Variants in POTEE observed in about 807,000 individuals in gnomAD.
POTEE encodes the protein ANKRD26-like family C member 1A.
Under a neutral mutation model 74.2 loss-of-function variants are expected in POTEE, and 21 were observed. The observed-to-expected ratio is 0.28, with a 90% CI of 0.20 to 0.41. POTEE has a LOEUF of 0.41. POTEE is among the 10% of genes least tolerant of loss of function. POTEE has a pLI of 1.00. For missense variants in POTEE, 525 were observed against 1,158.6 expected (o/e 0.45, Z 7.94); for synonymous variants, 211 against 432.8 (o/e 0.49, Z 6.36).
At chr2:131,228,707 T>A (rs1700855770) in intron 8 of POTEE, among the ~76,000 whole-genome samples, 1 of 147,212 alleles carries the variant, frequency 6.8e-6, no homozygotes, top group Non-Finnish European at 1.5e-5. Context: ...GTTATTTGGG[T>A]CTTGAAATGT....
chr2:131,211,483 C>G (rs1007014814), intron 2 of POTEE, among the ~76,000 whole-genome samples: 4 of 113,886 alleles, frequency 3.5e-5, no homozygotes, highest in Non-Finnish European at 5.2e-5. Flanking sequence ...GCATGAGTGG[C>G]AGCATTGTCT....
rs1384250887 is a variant in POTEE at position 131,263,392 on chromosome 2, A to T, written c.1937A>T (p.His646Leu). 1.2e-6 allele frequency: 2 copies of T among 1,611,866 alleles called. No homozygotes were observed. The highest frequency in any genetic ancestry group is 1.7e-6 in the Non-Finnish European group (2 of 1,179,838). ...TGTAAGAAAGAAAAAGACGTCTTGCATGAAAATAGTACGTTGCGGGAAGAA... is the reference window on the plus strand; with the variant it reads ...TGTAAGAAAGAAAAAGACGTCTTGCTTGAAAATAGTACGTTGCGGGAAGAA... ...LSCKKEKDVL[H>L]ENSTLREEIA... The change falls in exon 18 of 18, where the codon CAT becomes CTT. Residue 646 changes from histidine to leucine, a missense_variant. Transcript: ENST00000683005.
intron 4 of POTEE, among the ~76,000 whole-genome samples, chr2:131,219,469 G>C (rs979950686): frequency 3.9e-5 from 6 of 151,968 alleles, no homozygotes; most frequent in Non-Finnish European, 8.8e-5. Flanking sequence ...GGCTGGGCGC[G>C]GTGGCTCACG....
At chr2:131,230,441 TA>T (rs1700916303) in intron 8 of POTEE, among the ~76,000 whole-genome samples, 1 of 152,170 alleles carries the variant, frequency 6.6e-6, no homozygotes, top group Admixed American at 6.5e-5. Flanking sequence ...TAAACCTTTA[TA>T]ACAACCTAGT....
chr2:131,211,542 CTTTTT>C (rs1163533169), intron 2 of POTEE, among the ~76,000 whole-genome samples: 3 of 11,382 alleles, frequency 2.6e-4, no homozygotes, highest in African/African-American at 5.4e-4. Context: ...GTGTGTGTGG[CTTTTT>C]TTTTTTTTTT....
chr2:131,221,636 T>C (rs1171182838), intron 4 of POTEE, among the ~76,000 whole-genome samples: 1 of 152,244 alleles, frequency 6.6e-6, no homozygotes, highest in African/African-American at 2.4e-5. Context: ...TGTGAACTTT[T>C]ACCCTCTTCA....
At chr2:131,236,198 G>A (rs1430987103) in intron 9 of POTEE, among the ~76,000 whole-genome samples, 1 of 152,108 alleles carries the variant, frequency 6.6e-6, no homozygotes, top group Non-Finnish European at 1.5e-5. Context: ...TGTAAAAACA[G>A]CTCGGAGTGA....
intron 4 of POTEE, among the ~76,000 whole-genome samples, chr2:131,220,036 TTTA>T (rs1470707993): frequency 6.6e-6 from 1 of 150,840 alleles, no homozygotes; most frequent in Non-Finnish European, 1.5e-5. Context: ...GGTGGTGTTT[TTTA>T]TTATTTGAAA....
chr2:131,237,561 G>A (rs1374026642), intron 10 of POTEE, among the ~76,000 whole-genome samples: 2 of 151,772 alleles, frequency 1.3e-5, no homozygotes, highest in East Asian at 3.9e-4. Flanking sequence ...ACTGTAATTA[G>A]TACACATTAG....
rs776109919 is a variant in POTEE, at chr2:131,263,865, C to G, written c.2410C>G (p.Leu804Val). The change falls in exon 18 of 18, where the codon CTG becomes GTG. Residue 804 changes from leucine (L) to valine (V), a missense_variant. By Grantham distance (32) the Leu-to-Val change is conservative (BLOSUM62 1). Transcript: ENST00000683005. ...TGTGGCTCCCGAGGAGCACCCCATCCTGCTGACCGAGGCCCCCCTGAACCC... is the reference window on the plus strand; with the variant it reads ...TGTGGCTCCCGAGGAGCACCCCATCGTGCTGACCGAGGCCCCCCTGAACCC... ...LRVAPEEHPI[L>V]LTEAPLNPKA... is the part of the protein sequence containing the mutation. 1.2e-6 allele frequency: 2 copies of G among 1,614,204 alleles called. No individual in the cohort carries two copies. The highest frequency in any genetic ancestry group is 2.2e-5 in the South Asian group (2 of 91,086).
Position 131,231,361 on chromosome 2 carries a change from A to G in POTEE, c.1126+455A>G, listed in dbSNP as rs1700950338. Among the ~76,000 whole-genome samples, 5 of 151,430 alleles carry G rather than the reference A, an allele frequency of 3.3e-5. No homozygotes were observed. The South Asian group carries it at 1.0e-3, about 32-fold the overall frequency. ...TAAGGAGTGGCTGTAAATACAGATGAAGCTTCCCTGGCTTGCCTGCTGCTC... is the reference window on the plus strand; with the variant it reads ...TAAGGAGTGGCTGTAAATACAGATGGAGCTTCCCTGGCTTGCCTGCTGCTC... On this transcript the variant is annotated intron_variant, in intron 9 of 17. Coordinates refer to ENST00000683005, the MANE Select transcript of POTEE (RefSeq NM_001083538.3).
intron 6 of POTEE, among the ~76,000 whole-genome samples, chr2:131,225,848 T>G (rs1194845591): frequency 1.3e-5 from 2 of 152,182 alleles, no homozygotes; most frequent in African/African-American, 2.4e-5. Context: ...TATCTGTGAC[T>G]GAGACATTAA....
At chr2:131,221,313 T>C (rs915033132) in intron 4 of POTEE, among the ~76,000 whole-genome samples, 1 of 152,130 alleles carries the variant, frequency 6.6e-6, no homozygotes, top group Admixed American at 6.6e-5. Context: ...CAGAGATATG[T>C]CGACATGCAA....
At chr2:131,217,761 C>CCGCACGCCGCACG (rs1553474676) in intron 3 of POTEE, among the ~76,000 whole-genome samples, 78 bp downstream of exon 3, 39 of 12,742 alleles carry the variant, frequency 3.1e-3, no homozygotes, top group Admixed American at 4.1e-3. Flanking sequence ...ACGCCGCACG[C>CCGCACGCCGCACG]CGCACGCGCA....
intron 6 of POTEE, among the ~76,000 whole-genome samples, chr2:131,225,342 G>A (rs1488120980): frequency 2.6e-5 from 4 of 152,030 alleles, no homozygotes; most frequent in Admixed American, 6.6e-5. Flanking sequence ...TCAGGAGTTC[G>A]AGTCTAGCCT....
intron 8 of POTEE, 112 bp downstream of exon 8, chr2:131,228,493 C>T (rs536367886): frequency 1.3e-5 from 21 of 1,564,340 alleles, no homozygotes; most frequent in South Asian, 1.3e-4. Context: ...AGGTAGTTTT[C>T]GCGTGGCAGT....
intron 4 of POTEE, among the ~76,000 whole-genome samples, chr2:131,222,123 CT>C (rs1294585469): frequency 6.6e-6 from 1 of 152,186 alleles, no homozygotes; most frequent in Non-Finnish European, 1.5e-5. Flanking sequence ...AAAGACAACC[CT>C]TAACTGCCCT....
intron 16 of POTEE, among the ~76,000 whole-genome samples, chr2:131,260,451 A>G (rs62178365): frequency 0.76 from 65,282 of 86,146 alleles, 25,914 homozygotes; most frequent in Non-Finnish European, 0.83. Context: ...CATGAACATA[A>G]GATGTATTTT....
At chr2:131,222,477 G>A (rs902189707) in intron 4 of POTEE, among the ~76,000 whole-genome samples, 1 of 151,574 alleles carries the variant, frequency 6.6e-6, no homozygotes, top group Non-Finnish European at 1.5e-5. Context: ...TAACACCTGA[G>A]TAATGAAATA....
Sources: gnomAD v4.1 joint callset for allele counts (sites outside exome capture counted in the v4.1 genomes callset) on GRCh38, gnomAD v4.1.1 for gene constraint, MANE v1.5 for transcripts, NCBI Gene and HGNC (gene_info 2026-07-23, HGNC 2026-07-21) for gene names.